PSMD14: variants seen among roughly 807,000 people sequenced by gnomAD.
The protein encoded by PSMD14 is proteasome 26S subunit, non-ATPase 14.
PSMD14 carries 7 observed loss-of-function variants against 41.2 expected under a neutral mutation model. The ratio of observed to expected loss-of-function variants is 0.17; its 90% CI spans 0.10 to 0.32. PSMD14 has a LOEUF of 0.32. Among genes scored for constraint, PSMD14 ranks in the 10% least tolerant of loss-of-function variants. The pLI is 1.00. For synonymous variants in PSMD14, 114 were observed against 122.3 expected (o/e 0.93, Z 0.45); for missense variants, 139 against 375.6 (o/e 0.37, Z 5.21).
chr2:161,327,012 C>T (rs1299088360), intron 3 of PSMD14, among the ~76,000 whole-genome samples: 1 of 152,008 alleles, frequency 6.6e-6, no homozygotes, highest in African/African-American at 2.4e-5. Context: ...GCTGATTGTA[C>T]ATACAATGGA....
intron 3 of PSMD14, among the ~76,000 whole-genome samples, chr2:161,330,676 C>T (rs1559039785): frequency 1.3e-5 from 2 of 152,146 alleles, no homozygotes; most frequent in Admixed American, 6.5e-5. Context: ...GAAAGTATGC[C>T]ACCAGAGCAG....
At chr2:161,385,674 C>A (rs1683625282) in intron 8 of PSMD14, 103 bp downstream of exon 8, 4 of 586,970 alleles carry the variant, frequency 6.8e-6, no homozygotes, top group Non-Finnish European at 8.4e-6. Flanking sequence ...AATTTGCTTG[C>A]AAATTAATTT....
At chr2:161,363,732 A>C (rs1325675639) in intron 3 of PSMD14, among the ~76,000 whole-genome samples, 1 of 152,150 alleles carries the variant, frequency 6.6e-6, no homozygotes, top group Non-Finnish European at 1.5e-5. Context: ...TGTCCCCTTC[A>C]CAGGGCATTC....
chr2:161,318,502 C>T lies in PSMD14; in HGVS notation c.-4-320C>T, dbSNP rs116594690. Among the ~76,000 whole-genome samples, 1,245 of 152,262 alleles carry T rather than the reference C, an allele frequency of 8.2e-3. 18 individuals are homozygous for T. The highest frequency in any genetic ancestry group is 0.028 in the African/African-American group (1,154 of 41,574). ...ATAAGCATTTCAGGCACTTTTTCTA[C>T]ATTCAGGTACTTTATTAGATAACAA... On this transcript the variant is annotated intron_variant, in intron 2 of 11. Coordinates refer to ENST00000409682, the MANE Select transcript of PSMD14 (RefSeq NM_005805.6).
intron 3 of PSMD14, among the ~76,000 whole-genome samples, chr2:161,358,617 G>A (rs1317960764): frequency 6.6e-6 from 1 of 152,110 alleles, no homozygotes; most frequent in Non-Finnish European, 1.5e-5. Context: ...TGAAACCCTT[G>A]ACTCATACGT....
At chr2:161,401,269 T>C (rs1017535171) in intron 10 of PSMD14, among the ~76,000 whole-genome samples, 2 of 152,372 alleles carry the variant, frequency 1.3e-5, no homozygotes, top group Middle Eastern at 3.4e-3. Flanking sequence ...ACTGTTTATA[T>C]TATCAGTAAG....
At chr2:161,397,298 T>C (rs1683814127) in intron 10 of PSMD14, among the ~76,000 whole-genome samples, 2 of 152,104 alleles carry the variant, frequency 1.3e-5, no homozygotes, top group Non-Finnish European at 1.5e-5. Flanking sequence ...TGGATTACCA[T>C]GGTAGCAGTG....
intron 10 of PSMD14, among the ~76,000 whole-genome samples, chr2:161,406,575 A>G (rs1275823350): frequency 6.6e-6 from 1 of 152,170 alleles, no homozygotes; most frequent in African/African-American, 2.4e-5. Context: ...TCTTGCCCAG[A>G]TGGTAGATGA....
At chr2:161,367,412 T>C in intron 3 of PSMD14, 66 bp from the exon 4 acceptor site, 8 of 1,296,038 alleles carry the variant, frequency 6.2e-6, no homozygotes, top group Non-Finnish European at 8.7e-6. Flanking sequence ...ATACCACATG[T>C]AACTTGAATT....
chr2:161,376,315 A>G (rs1183555485), intron 7 of PSMD14, among the ~76,000 whole-genome samples: 1 of 151,776 alleles, frequency 6.6e-6, no homozygotes, highest in African/African-American at 2.4e-5. Flanking sequence ...CATTATGACT[A>G]TCATGAGGTA....
At chr2:161,372,275 T>C (rs1177718211) in intron 7 of PSMD14, among the ~76,000 whole-genome samples, 1 of 152,136 alleles carries the variant, frequency 6.6e-6, no homozygotes, top group African/African-American at 2.4e-5. Context: ...ATGCAGGTTT[T>C]ACAAATAATT....
At chr2:161,377,211 A>G (rs2105260691) in intron 7 of PSMD14, among the ~76,000 whole-genome samples, 1 of 152,086 alleles carries the variant, frequency 6.6e-6, no homozygotes, top group South Asian at 2.1e-4. Context: ...GGTAGTCCTA[A>G]TCATAAATTA....
chr2:161,352,891 A>C (rs918889663), intron 3 of PSMD14, among the ~76,000 whole-genome samples: 3 of 152,214 alleles, frequency 2.0e-5, no homozygotes, highest in African/African-American at 7.2e-5. Context: ...ATGACTGCTT[A>C]GTGGCTCTAA....
intron 7 of PSMD14, 67 bp from the exon 8 acceptor site, chr2:161,385,397 T>C (rs1559052035): frequency 3.8e-6 from 3 of 794,878 alleles, no homozygotes; most frequent in Non-Finnish European, 6.3e-6. Flanking sequence ...TCATGCCTTG[T>C]CCACTGTTGC....
intron 3 of PSMD14, among the ~76,000 whole-genome samples, chr2:161,320,871 G>A (rs1026828548): frequency 5.9e-5 from 9 of 151,980 alleles, no homozygotes; most frequent in South Asian, 2.1e-4. Flanking sequence ...GATTACAGGC[G>A]TTCACCACCA....
intron 3 of PSMD14, among the ~76,000 whole-genome samples, chr2:161,330,733 G>A (rs1242519723): frequency 6.6e-6 from 1 of 152,174 alleles, no homozygotes; most frequent in Non-Finnish European, 1.5e-5. Context: ...TTTTTAAGCT[G>A]TTGCCCGTGA....
chr2:161,329,737 T>G (rs1005055626), intron 3 of PSMD14, among the ~76,000 whole-genome samples: 25 of 152,192 alleles, frequency 1.6e-4, no homozygotes, highest in Non-Finnish European at 3.2e-4. Context: ...AGGTTATAAT[T>G]TTATTAAATA....
At chr2:161,384,266 A>C (rs1480863527) in intron 7 of PSMD14, 1 of 151,644 alleles carries the variant, frequency 6.6e-6, no homozygotes, top group Admixed American at 6.6e-5. Flanking sequence ...GTTTTAGTCT[A>C]GGTTTGTATT....
Position 161,311,266 on chromosome 2 carries a change from G to A in PSMD14, c.-138+2662G>A, listed in dbSNP as rs181510486. On this transcript the variant is annotated intron_variant, in intron 1 of 11. Coordinates refer to ENST00000409682, the MANE Select transcript of PSMD14 (RefSeq NM_005805.6). ...AGAGGTTTCAGTGAGCTGAGATTGC[G>A]ACACTACACTCCAGCCTGGGCAACA... 5.5e-3 allele frequency among the ~76,000 whole-genome samples: 834 copies of A among 151,988 alleles called. 2 individuals are homozygous for A. Among genetic ancestry groups the A allele is most frequent in the South Asian group, 0.013 (61 of 4,818 alleles).
Sources: allele counts gnomAD v4.1 joint callset (sites outside exome capture counted in the v4.1 genomes callset), GRCh38; gene constraint gnomAD v4.1.1; transcripts MANE v1.5; gene names NCBI Gene and HGNC (gene_info 2026-07-23, HGNC 2026-07-21).